The following SIPA1L1 variants were observed in gnomAD, a reference collection of about 807,000 sequenced individuals.
The protein encoded by SIPA1L1 is signal-induced proliferation-associated 1-like protein 1.
A neutral mutation model predicts 162.7 loss-of-function variants in SIPA1L1; 26 were observed. The observed-to-expected ratio is 0.16, with a 90% CI of 0.12 to 0.22. The LOEUF (loss-of-function observed/expected upper bound fraction) is 0.22. Among genes scored for constraint, SIPA1L1 ranks in the 10% least tolerant of loss-of-function variants. The probability of loss-of-function intolerance (pLI) is 1.00; values close to 1 mark genes in which losing one functional copy is unlikely to be tolerated. For synonymous variants in SIPA1L1, 829 were observed against 837.4 expected (o/e 0.99, Z 0.17); for missense variants, 1,874 against 2,241.0 (o/e 0.84, Z 3.31).
At chr14:71,561,882 C>T (rs910758185) in intron 4 of SIPA1L1, among the ~76,000 whole-genome samples, 6 of 152,286 alleles carry the variant, frequency 3.9e-5, no homozygotes, top group East Asian at 1.9e-4. Context: ...CCACCATGCC[C>T]GGCCCAGGCT....
At chr14:71,443,419 T>G (rs2045078791) in intron 2 of SIPA1L1, among the ~76,000 whole-genome samples, 1 of 152,228 alleles carries the variant, frequency 6.6e-6, no homozygotes, top group South Asian at 2.1e-4. Context: ...TTTATCTTTT[T>G]GTGCTTGTTT....
At chr14:71,479,058 C>G (rs975556331) in intron 2 of SIPA1L1, among the ~76,000 whole-genome samples, 5 of 152,200 alleles carry the variant, frequency 3.3e-5, no homozygotes, top group African/African-American at 1.2e-4. Flanking sequence ...TTTGTTCCCT[C>G]TGTCCACATC....
At chr14:71,718,391 G>A (rs1248277492) in intron 17 of SIPA1L1, among the ~76,000 whole-genome samples, 1 of 152,208 alleles carries the variant, frequency 6.6e-6, no homozygotes, top group Non-Finnish European at 1.5e-5. Context: ...GAAAAGAAGT[G>A]CACTGGCATT....
chr14:71,729,326 G>A (rs952555023), intron 19 of SIPA1L1, among the ~76,000 whole-genome samples: 65 of 152,268 alleles, frequency 4.3e-4, no homozygotes, highest in Admixed American at 1.0e-3. Flanking sequence ...ATGAGCCACC[G>A]CGCCCAGCCT....
At chr14:71,630,063 A>T (rs1322907088) in intron 7 of SIPA1L1, among the ~76,000 whole-genome samples, 2 of 152,198 alleles carry the variant, frequency 1.3e-5, no homozygotes, top group Non-Finnish European at 2.9e-5. Flanking sequence ...TTTTTCCAAA[A>T]CTGATTTTCT....
At chr14:71,712,142 A>G (rs1010958159) in intron 17 of SIPA1L1, among the ~76,000 whole-genome samples, 4 of 152,246 alleles carry the variant, frequency 2.6e-5, no homozygotes, top group Non-Finnish European at 5.9e-5. Flanking sequence ...GACAGTGCTT[A>G]AAAGAGCTTG....
At chr14:71,725,449 T>C (rs1164767685) in intron 19 of SIPA1L1, among the ~76,000 whole-genome samples, 1 of 152,252 alleles carries the variant, frequency 6.6e-6, no homozygotes, top group Non-Finnish European at 1.5e-5. Flanking sequence ...TAAAGCCTTC[T>C]ATTTTATGCT....
chr14:71,362,492 A>C (rs1370881491), intron 2 of SIPA1L1, among the ~76,000 whole-genome samples: 1 of 152,220 alleles, frequency 6.6e-6, no homozygotes, highest in Non-Finnish European at 1.5e-5. Flanking sequence ...TAATGGTGAG[A>C]CAGGAAGAAC....
intron 14 of SIPA1L1, 47 bp downstream of exon 14, chr14:71,699,174 TTC>T: frequency 6.4e-7 from 1 of 1,572,552 alleles, no homozygotes; most frequent in Non-Finnish European, 8.7e-7. Flanking sequence ...TTGGCATCAT[TTC>T]TTTCATCTGT....
chr14:71,636,209 T>C (rs1473750362), intron 7 of SIPA1L1, among the ~76,000 whole-genome samples: 1 of 152,248 alleles, frequency 6.6e-6, no homozygotes, highest in Non-Finnish European at 1.5e-5. Flanking sequence ...TAGGATCTAA[T>C]TGACATAAAG....
At chr14:71,344,573 C>A (rs184466235) in intron 2 of SIPA1L1, among the ~76,000 whole-genome samples, 2 of 152,068 alleles carry the variant, frequency 1.3e-5, no homozygotes, top group Non-Finnish European at 2.9e-5. Context: ...GTCTGTCTAT[C>A]GAGAGAGATG....
At chr14:71,327,463 G>C (rs1197723146) in intron 2 of SIPA1L1, among the ~76,000 whole-genome samples, 1 of 152,150 alleles carries the variant, frequency 6.6e-6, no homozygotes, top group East Asian at 1.9e-4. Flanking sequence ...GCTCTTAGCT[G>C]CTAACTGGAC....
Position 71,697,007 on chromosome 14 carries a change from A to G in SIPA1L1, c.3375-1974A>G, listed in dbSNP as rs571701502. Reference sequence around the variant, plus strand: ...TCTAGAATGTAGGGTGTGTGGAGCCATTAATGGGGATGGAGATGAGGATGG... The same window carrying G: ...TCTAGAATGTAGGGTGTGTGGAGCCGTTAATGGGGATGGAGATGAGGATGG... On this transcript the variant is annotated intron_variant, in intron 13 of 23. Coordinates refer to ENST00000381232, the MANE Select transcript of SIPA1L1 (RefSeq NM_001386936.1). 1.1e-4 allele frequency among the ~76,000 whole-genome samples: 17 copies of G among 152,326 alleles called. 1 individual carries two copies. In the South Asian group the frequency reaches 3.1e-3, roughly 28 times the overall value.
intron 2 of SIPA1L1, among the ~76,000 whole-genome samples, chr14:71,438,637 A>G (rs1395839248): frequency 6.6e-6 from 1 of 152,238 alleles, no homozygotes; most frequent in Non-Finnish European, 1.5e-5. Flanking sequence ...AAATTGCACC[A>G]GAAAACAGAA....
intron 2 of SIPA1L1, among the ~76,000 whole-genome samples, chr14:71,389,227 A>C (rs1356791880): frequency 6.6e-6 from 1 of 152,166 alleles, no homozygotes; most frequent in Non-Finnish European, 1.5e-5. Flanking sequence ...ATGGGTAGGT[A>C]ATTGTAACTG....
At chr14:71,321,782 C>A (rs541267268) in intron 2 of SIPA1L1, 1 of 152,280 alleles carries the variant, frequency 6.6e-6, no homozygotes, top group African/African-American at 2.4e-5. Context: ...CTCTCCTGAC[C>A]TTAAAGGAAA....
chr14:71,362,504 A>G (rs1204520855), intron 2 of SIPA1L1, among the ~76,000 whole-genome samples: 1 of 152,194 alleles, frequency 6.6e-6, no homozygotes, highest in East Asian at 1.9e-4. Flanking sequence ...AGGAAGAACC[A>G]CCCACGTTTT....
intron 11 of SIPA1L1, among the ~76,000 whole-genome samples, chr14:71,672,103 C>T (rs1251559427): frequency 6.6e-6 from 1 of 152,052 alleles, no homozygotes; most frequent in African/African-American, 2.4e-5. Context: ...CTGCCAGCTC[C>T]CTGTAGGTCT....
At chr14:71,716,207 A>AT (rs1203651936) in intron 17 of SIPA1L1, among the ~76,000 whole-genome samples, 1 of 152,168 alleles carries the variant, frequency 6.6e-6, no homozygotes, top group Non-Finnish European at 1.5e-5. Flanking sequence ...ACTCTATTGG[A>AT]TAGAGTACAG....
Sources: allele counts gnomAD v4.1 joint callset (sites outside exome capture counted in the v4.1 genomes callset), GRCh38; gene constraint gnomAD v4.1.1; transcripts MANE v1.5; gene names NCBI Gene and HGNC (gene_info 2026-07-23, HGNC 2026-07-21).